SYNM: variants seen among roughly 807,000 people sequenced by gnomAD.
The protein encoded by SYNM is desmuslin.
A neutral mutation model predicts 104.0 loss-of-function variants in SYNM; 95 were observed. The observed-to-expected ratio is 0.91, with a 90% CI of 0.77 to 1.08. The LOEUF is 1.08. Ranked by LOEUF, SYNM falls within the 50% of genes least tolerant of loss-of-function variation. The pLI is 0.00. For synonymous variants in SYNM, 918 were observed against 869.0 expected (o/e 1.06, Z -0.99); for missense variants, 2,150 against 2,052.2 (o/e 1.05, Z -0.92).
chr15:99,139,244 A>C (rs1555488746), downstream of SYNM: 6 of 1,566,702 alleles, frequency 3.8e-6, no homozygotes, highest in East Asian at 2.3e-5. Context: ...AGAACCTTCT[A>C]GAACCAGCTT....
At chr15:99,118,907 C>A (rs73478116) in intron 2 of SYNM, among the ~76,000 whole-genome samples, 2 of 152,068 alleles carry the variant, frequency 1.3e-5, no homozygotes, top group Non-Finnish European at 2.9e-5. Context: ...TGGCAGTGAG[C>A]GGGAGCTGTG....
At chr15:99,137,712 T>C, downstream of SYNM, 2 of 375,120 alleles carry the variant, frequency 5.3e-6, no homozygotes, top group South Asian at 7.0e-5. Flanking sequence ...CGCACTGAAC[T>C]GTTGAAGAGA....
At position 99,131,300 on chromosome 15, in the gene SYNM, G is replaced by A; in HGVS notation, c.2940G>A (p.Gly980=). 1 of 1,612,796 alleles carries A rather than the reference G, an allele frequency of 6.2e-7. No individual in the cohort carries two copies. Among genetic ancestry groups the A allele is most frequent in the East Asian group, 2.2e-5 (1 of 44,852 alleles). Residue 980 remains glycine (G), a synonymous_variant, in exon 4 of 4, where the codon GGG becomes GGA. Coordinates refer to ENST00000336292, the MANE Select transcript of SYNM (RefSeq NM_145728.3). The surrounding 1 kb of genome is among the most constrained non-coding windows in gnomAD (Gnocchi z 4.3). ...ALTREGQGGP[G]SVSVDVKKVQ... ...CCAGAGAGGGGCAGGGTGGGCCGGG[G>A]AGCGTTTCCGTGGATGTCAAGAAGG...
In SYNM at chr15:99,113,600, G is replaced by A. The variant is rs1555483618; in HGVS notation, c.820G>A (p.Asp274Asn). ...IQAEERQRVI[D>N]CLEDEKATLT... is the part of the protein sequence containing the mutation. ...TGTCTATTCTCTTTAGAGAGTGATT[G>A]ACTGCCTGGAGGATGAGAAGGCAAC... Residue 274 changes from aspartate to asparagine, a missense_variant, in exon 2 of 4, where the codon GAC becomes AAC. Asp to Asn is a conservative substitution (Grantham distance 23). Transcript: ENST00000336292. 4 of 1,613,360 alleles carry A rather than the reference G, an allele frequency of 2.5e-6. No homozygotes were observed. Among genetic ancestry groups the A allele is most frequent in the Non-Finnish European group, 3.4e-6 (4 of 1,179,616 alleles).
At chr15:99,127,802 C>T (rs2151808152) in intron 3 of SYNM, among the ~76,000 whole-genome samples, 1 of 152,292 alleles carries the variant, frequency 6.6e-6, no homozygotes. Flanking sequence ...TACTTAGTTA[C>T]CTACATTTTT....
At position 99,105,862 on chromosome 15, in the gene SYNM, C is replaced by T. The variant is rs1380215533; in HGVS notation, c.663C>T (p.Leu221=). ...TGCGGCGCGGCCAGGAGAGCAGACT[C>T]CAGGCGGAGGAAGAGACGCGGCTGT... ...EALRRGQESR[L]QAEEETRLCA... The change falls in exon 1 of 4, where the codon CTC becomes CTT. Residue 221 remains leucine (L), a synonymous_variant. Transcript: ENST00000336292. The T allele has an allele frequency of 1.3e-6, 2 of 1,541,188 alleles. No individual in the cohort carries two copies. The highest frequency in any genetic ancestry group is 1.4e-5 in the African/African-American group (1 of 72,250).
chr15:99,109,791 G>A (rs2067284265), intron 1 of SYNM, among the ~76,000 whole-genome samples: 1 of 152,168 alleles, frequency 6.6e-6, no homozygotes. Context: ...GCCTTCAGGT[G>A]GAAACAGCGT....
rs373822755 is a variant in SYNM at position 99,132,490 on chromosome 15, C to T, written c.4130C>T (p.Ser1377Phe). 8 of 1,613,932 alleles carry T rather than the reference C, an allele frequency of 5.0e-6. No individual in the cohort carries two copies. The highest frequency in any genetic ancestry group is 1.1e-5 in the South Asian group (1 of 91,088). The change falls in exon 4 of 4, where the codon TCT becomes TTT. Residue 1377 changes from serine to phenylalanine, a missense_variant. Physicochemically the swap from Ser to Phe is radical, Grantham distance 155. Coordinates refer to ENST00000336292, the MANE Select transcript of SYNM (RefSeq NM_145728.3). ...AAGAGCACCTTCCAAAGTGTCGTTT[C>T]TGAATCTCCCCAGGAGGATAGTGCA... ...TEKSTFQSVV[S>F]ESPQEDSAED...
Position 99,133,300 on chromosome 15 carries a change from T to C in SYNM, c.*242T>C. Reference sequence around the variant, plus strand: ...TTGGGACTTTTACAAAACACTTTTTTCCCTGGAGTCTTCTCTCCACTTCTG... The same window carrying C: ...TTGGGACTTTTACAAAACACTTTTTCCCCTGGAGTCTTCTCTCCACTTCTG... On this transcript the variant is annotated 3_prime_UTR_variant, in exon 4 of 4. Transcript: ENST00000336292. 1.5e-6 allele frequency: 1 copy of C among 655,414 alleles called. No homozygotes were observed. The highest frequency in any genetic ancestry group is 2.4e-6 in the Non-Finnish European group (1 of 424,056). The allele number at this position is 655,414 out of a possible 1,614,324, so 40.6% of individuals were successfully genotyped here.
chr15:99,107,637 C>T (rs112682293), intron 1 of SYNM, among the ~76,000 whole-genome samples: 15 of 152,322 alleles, frequency 9.8e-5, no homozygotes, highest in African/African-American at 3.4e-4. Flanking sequence ...GCCCTTTTCC[C>T]CACTAATGAA....
chr15:99,132,872 C>T lies in SYNM; in HGVS notation c.4512C>T (p.Ser1504=), dbSNP rs1290550902. 2 of 1,613,726 alleles carry T rather than the reference C, an allele frequency of 1.2e-6. No homozygotes were observed. Among genetic ancestry groups the T allele is most frequent in the Non-Finnish European group, 1.7e-6 (2 of 1,179,852 alleles). The change falls in exon 4 of 4, where the codon AGC becomes AGT. Residue 1504 remains serine (S), a synonymous_variant. Transcript: ENST00000336292. ...GGAATGACCAGGCAGTTGGTGTGAG[C>T]TTTAAGGCCTCTGCTGGGGAAGGAG... ...DSRNDQAVGV[S]FKASAGEGDQ...
At chr15:99,139,442 G>T, downstream of SYNM, 1 of 1,612,880 alleles carries the variant, frequency 6.2e-7, no homozygotes, top group East Asian at 2.2e-5. Flanking sequence ...TGGAAGTGTC[G>T]CTGAGAGCAG....
At chr15:99,115,167 T>A (rs1018972765) in intron 2 of SYNM, among the ~76,000 whole-genome samples, 1 of 152,160 alleles carries the variant, frequency 6.6e-6, no homozygotes, top group Non-Finnish European at 1.5e-5. Flanking sequence ...GCACAGTGCC[T>A]GCTCCGTTCC....
At chr15:99,124,136 G>A (rs1290566624) in intron 2 of SYNM, among the ~76,000 whole-genome samples, 1 of 152,240 alleles carries the variant, frequency 6.6e-6, no homozygotes, top group East Asian at 1.9e-4. Context: ...CACAGTCCCC[G>A]AGGCTTGGGG....
Position 99,105,084 on chromosome 15 carries a change from T to C in SYNM, c.-116T>C. ...GGGCTCTCCCGCTCGCGTCCCAGTCTGCGGGCCTCCGGGGCAGCGGCGAGG... is the reference window on the plus strand; with the variant it reads ...GGGCTCTCCCGCTCGCGTCCCAGTCCGCGGGCCTCCGGGGCAGCGGCGAGG... On this transcript the variant is annotated 5_prime_UTR_variant, in exon 1 of 4. Coordinates refer to ENST00000336292, the MANE Select transcript of SYNM (RefSeq NM_145728.3). The C allele has an allele frequency of 8.1e-7, 1 of 1,234,046 alleles. No individual in the cohort carries two copies. The highest frequency in any genetic ancestry group is 1.1e-6 in the Non-Finnish European group (1 of 912,350). 76.4% of individuals were successfully genotyped at this position (1,234,046 alleles called of 1,614,324 possible).
intron 2 of SYNM, among the ~76,000 whole-genome samples, chr15:99,119,584 T>A (rs913213213): frequency 6.6e-6 from 1 of 152,106 alleles, no homozygotes; most frequent in South Asian, 2.1e-4. Context: ...CATGCGGCAG[T>A]CCCCTTAGAG....
chr15:99,127,266 T>G (rs1053441678), intron 3 of SYNM, among the ~76,000 whole-genome samples: 11 of 152,172 alleles, frequency 7.2e-5, no homozygotes, highest in African/African-American at 2.2e-4. Flanking sequence ...CACCCTAGGT[T>G]GTTGTGAGCA....
intron 1 of SYNM, among the ~76,000 whole-genome samples, chr15:99,111,164 C>T (rs1459290712): frequency 1.3e-5 from 2 of 152,168 alleles, no homozygotes; most frequent in Non-Finnish European, 2.9e-5. Context: ...TTCCTGCACA[C>T]CCCTTCCACG....
intron 2 of SYNM, among the ~76,000 whole-genome samples, chr15:99,118,144 C>T (rs1458907377): frequency 1.3e-5 from 2 of 152,174 alleles, no homozygotes; most frequent in Non-Finnish European, 2.9e-5. Flanking sequence ...CGGAGATGCC[C>T]GTTGACGAAG....
Sources: allele counts gnomAD v4.1 joint callset (sites outside exome capture counted in the v4.1 genomes callset), GRCh38; gene constraint gnomAD v4.1.1; non-coding constraint Gnocchi (gnomAD v3.1); transcripts MANE v1.5; gene names NCBI Gene and HGNC (gene_info 2026-07-23, HGNC 2026-07-21).